PARP8: variants seen among roughly 807,000 people sequenced by gnomAD.
PARP8 encodes the protein protein mono-ADP-ribosyltransferase PARP8.
Under a neutral mutation model 124.1 loss-of-function variants are expected in PARP8, and 51 were observed. That is an observed-to-expected ratio of 0.41 (90% CI 0.33 to 0.52). PARP8 has a LOEUF of 0.52. PARP8 is among the 20% of genes least tolerant of loss of function. The pLI, the probability that PARP8 is intolerant of heterozygous loss-of-function variation, is 0.21. For synonymous variants in PARP8, 391 were observed against 361.5 expected, an observed-to-expected ratio of 1.08 and a Z score of -0.93; for missense variants, 860 against 1,018.9, an observed-to-expected ratio of 0.84 and a Z score of 2.12.
intron 9 of PARP8, among the ~76,000 whole-genome samples, chr5:50,785,064 T>G (rs1741094402): frequency 6.6e-6 from 1 of 151,790 alleles, no homozygotes; most frequent in Non-Finnish European, 1.5e-5. Context: ...AATAATAATA[T>G]GTGTTTTAGA....
intron 2 of PARP8, among the ~76,000 whole-genome samples, chr5:50,691,699 C>G (rs767539113): frequency 1.8e-4 from 28 of 152,236 alleles, no homozygotes; most frequent in Admixed American, 5.9e-4. Flanking sequence ...GATCTATGTT[C>G]TGTGTATCCA....
At chr5:50,805,823 T>C (rs115842252) in intron 14 of PARP8, among the ~76,000 whole-genome samples, 2,187 of 152,188 alleles carry the variant, frequency 0.014, 62 homozygotes, top group African/African-American at 0.049. Context: ...CTCAGAGATA[T>C]GTTATTCTGA....
intron 10 of PARP8, among the ~76,000 whole-genome samples, chr5:50,793,189 G>A (rs1742156609): frequency 1.3e-5 from 2 of 152,114 alleles, no homozygotes; most frequent in Non-Finnish European, 2.9e-5. Context: ...TTGTAAGTGG[G>A]AAACAAATAT....
intron 2 of PARP8, chr5:50,739,138 C>T: frequency 1.4e-6 from 1 of 697,264 alleles, no homozygotes; most frequent in Non-Finnish European, 2.6e-6. Context: ...CCTGAACCAA[C>T]AACCATTGAG....
chr5:50,829,850 C>T, intron 21 of PARP8, 42 bp from the exon 22 acceptor site: 1 of 1,543,648 alleles, frequency 6.5e-7, no homozygotes, highest in South Asian at 1.3e-5. Flanking sequence ...TCATTTAAAC[C>T]ATGAACAGAC....
At chr5:50,757,206 G>A in intron 3 of PARP8, 1 of 455,420 alleles carries the variant, frequency 2.2e-6, no homozygotes, top group South Asian at 1.6e-5. Flanking sequence ...CAAAAGGATT[G>A]CTGAAATGGG....
chr5:50,678,985 A>G (rs112032045), intron 2 of PARP8, among the ~76,000 whole-genome samples: 2,242 of 152,208 alleles, frequency 0.015, 55 homozygotes, highest in African/African-American at 0.052. Flanking sequence ...AAAGTCTACA[A>G]TTTTTTCAGT....
At chr5:50,721,574 A>G (rs892681852) in intron 2 of PARP8, among the ~76,000 whole-genome samples, 2 of 151,990 alleles carry the variant, frequency 1.3e-5, no homozygotes, top group African/African-American at 2.4e-5. Flanking sequence ...AACCGATTGT[A>G]TTGTTCTGTG....
At chr5:50,809,125 G>A (rs1220477936) in intron 14 of PARP8, among the ~76,000 whole-genome samples, 2 of 151,934 alleles carry the variant, frequency 1.3e-5, no homozygotes, top group Non-Finnish European at 2.9e-5. Context: ...AGCCTAATTA[G>A]ACCTGATCCT....
chr5:50,832,401 G>C (rs1484941226), intron 22 of PARP8, among the ~76,000 whole-genome samples: 2 of 152,134 alleles, frequency 1.3e-5, no homozygotes, highest in African/African-American at 4.8e-5. Context: ...CAAAAGTTCA[G>C]TTGTAATGTA....
chr5:50,731,368 T>C (rs1756957788), intron 2 of PARP8, among the ~76,000 whole-genome samples: 1 of 152,228 alleles, frequency 6.6e-6, no homozygotes, highest in Admixed American at 6.5e-5. Flanking sequence ...AATGAGTGTG[T>C]TGGTCTGTTG....
intron 9 of PARP8, among the ~76,000 whole-genome samples, chr5:50,788,279 TTATACAATATAATGTATAATG>T (rs904241484): frequency 2.6e-4 from 39 of 148,072 alleles, no homozygotes; most frequent in African/African-American, 6.9e-4. Context: ...GTATTATGTA[TTATACAATATAATGTATAATG>T]TATACAATAT....
rs1339508283 is a variant in PARP8, at chr5:50,800,288, C to T, written c.1575+3055C>T. Among the ~76,000 whole-genome samples the T allele has an allele frequency of 2.0e-5, 3 of 152,170 alleles. 1 individual carries two copies. Among genetic ancestry groups the T allele is most frequent in the African/African-American group, 7.2e-5 (3 of 41,456 alleles). ...TATTTTTGCATGTTAATCTTTTATA[C>T]TGCAACATTGCTGAACTTATTTGTT... is the stretch of plus-strand genomic sequence containing the variant. On this transcript the variant is annotated intron_variant, in intron 14 of 25. Transcript: ENST00000281631.
At position 50,842,083 on chromosome 5, in the gene PARP8, A is replaced by G; in HGVS notation, c.*15A>G. 1 of 1,543,010 alleles carries G rather than the reference A, an allele frequency of 6.5e-7. No individual in the cohort carries two copies. The highest frequency in any genetic ancestry group is 8.9e-7 in the Non-Finnish European group (1 of 1,124,260). On this transcript the variant is annotated 3_prime_UTR_variant, in exon 26 of 26. Coordinates refer to ENST00000281631, the MANE Select transcript of PARP8 (RefSeq NM_024615.4). ...CTACTGGTTAAAGGACCACCATTTA[A>G]TTAACATGATTCGAAAGCCTTCCTC...
chr5:50,714,236 C>G (rs1044826898), intron 2 of PARP8, among the ~76,000 whole-genome samples: 1 of 151,880 alleles, frequency 6.6e-6, no homozygotes, highest in African/African-American at 2.4e-5. Flanking sequence ...ACCTTACACA[C>G]AACAGCTCAC....
At chr5:50,766,870 A>G (rs1761104751) in intron 7 of PARP8, among the ~76,000 whole-genome samples, 1 of 152,206 alleles carries the variant, frequency 6.6e-6, no homozygotes, top group African/African-American at 2.4e-5. Flanking sequence ...CAAAAATGGT[A>G]AATGAAAGGA....
chr5:50,674,407 A>T (rs1750380159), intron 2 of PARP8, among the ~76,000 whole-genome samples: 1 of 152,216 alleles, frequency 6.6e-6, no homozygotes, highest in East Asian at 1.9e-4. Context: ...ATCCCATCCC[A>T]TGTCAACATT....
chr5:50,788,649 G>A, intron 10 of PARP8, 60 bp downstream of exon 10: 3 of 1,406,226 alleles, frequency 2.1e-6, no homozygotes, highest in African/African-American at 3.3e-5. Context: ...TTCTCATTTT[G>A]TTCATTAAAA....
chr5:50,670,727 T>G (rs1365837672), intron 2 of PARP8, among the ~76,000 whole-genome samples: 1 of 152,206 alleles, frequency 6.6e-6, no homozygotes, highest in Admixed American at 6.5e-5. Flanking sequence ...CTTTCATCAA[T>G]TAAATGTTGA....
Sources: allele counts gnomAD v4.1 joint callset (sites outside exome capture counted in the v4.1 genomes callset), GRCh38; gene constraint gnomAD v4.1.1; transcripts MANE v1.5; gene names NCBI Gene and HGNC (gene_info 2026-07-23, HGNC 2026-07-21).